Variants in NLGN1 observed in about 807,000 individuals in gnomAD.
NLGN1 encodes neuroligin-1.
A neutral mutation model predicts 65.5 loss-of-function variants in NLGN1; 12 were observed. That is an observed-to-expected ratio of 0.18 (90% CI 0.12 to 0.30). The LOEUF is 0.30. Ranked by LOEUF, NLGN1 falls within the 10% of genes least tolerant of loss-of-function variation. The pLI is 1.00. For synonymous variants in NLGN1, 350 were observed against 359.5 expected, an observed-to-expected ratio of 0.97 and a Z score of 0.30; for missense variants, 750 against 1,007.1, an observed-to-expected ratio of 0.74 and a Z score of 3.46.
chr3:173,909,447 A>C (rs981718495), intron 4 of NLGN1, among the ~76,000 whole-genome samples: 1 of 152,130 alleles, frequency 6.6e-6, no homozygotes, highest in Non-Finnish European at 1.5e-5. Context: ...TGTGTATCCT[A>C]TGCCAGGCAC....
chr3:173,497,908 A>G (rs540064777), intron 2 of NLGN1, among the ~76,000 whole-genome samples: 20 of 151,954 alleles, frequency 1.3e-4, no homozygotes, highest in African/African-American at 3.9e-4. Context: ...ATATGAATGT[A>G]TCTGATAATT....
intron 4 of NLGN1, among the ~76,000 whole-genome samples, chr3:174,166,984 CTGATA>C (rs1193408515): frequency 6.6e-6 from 1 of 152,002 alleles, no homozygotes; most frequent in African/African-American, 2.4e-5. Context: ...TCTGCTTTAT[CTGATA>C]TAAGAATTGC....
intron 2 of NLGN1, among the ~76,000 whole-genome samples, chr3:173,518,191 G>A (rs948774818): frequency 1.3e-5 from 2 of 151,986 alleles, no homozygotes; most frequent in African/African-American, 4.8e-5. Flanking sequence ...CAAACTGATT[G>A]GTTAAAAAGT....
intron 4 of NLGN1, among the ~76,000 whole-genome samples, chr3:174,078,924 A>G (rs958082415): frequency 6.6e-6 from 1 of 152,164 alleles, no homozygotes; most frequent in Non-Finnish European, 1.5e-5. Flanking sequence ...ATTCCTTAAT[A>G]CTAGCTGCAT....
At chr3:174,227,722 C>G (rs1012515377) in intron 4 of NLGN1, among the ~76,000 whole-genome samples, 2 of 151,908 alleles carry the variant, frequency 1.3e-5, no homozygotes, top group Non-Finnish European at 2.9e-5. Flanking sequence ...AATGTGTCAC[C>G]TAGATTTCCA....
intron 3 of NLGN1, among the ~76,000 whole-genome samples, chr3:173,788,430 T>C (rs991755195): frequency 1.9e-4 from 28 of 150,952 alleles, no homozygotes; most frequent in African/African-American, 6.9e-4. Flanking sequence ...TAATTTACTG[T>C]GTGATAGCAA....
chr3:173,929,271 T>C (rs1743601428), intron 4 of NLGN1, among the ~76,000 whole-genome samples: 1 of 152,180 alleles, frequency 6.6e-6, no homozygotes, highest in Non-Finnish European at 1.5e-5. Flanking sequence ...TTGTAACCAT[T>C]GCAGGATGAT....
rs1402354147 is a variant in NLGN1 at position 173,934,776 on chromosome 3, A to G, written c.646+126944A>G. On this transcript the variant is annotated intron_variant, in intron 4 of 6. Transcript: ENST00000457714. ...TTAGCCTTTAGGTAAGAATTAAATC[A>G]CAAGGCAAGTTGAGGCCATACCTTT... is the stretch of plus-strand genomic sequence containing the variant. 2.0e-5 allele frequency among the ~76,000 whole-genome samples: 3 copies of G among 152,046 alleles called. 1 individual carries two copies. Among genetic ancestry groups the G allele is most frequent in the Admixed American group, 2.0e-4 (3 of 15,228 alleles).
At chr3:173,467,967 TG>T (rs774937642) in intron 2 of NLGN1, among the ~76,000 whole-genome samples, 4 of 152,264 alleles carry the variant, frequency 2.6e-5, no homozygotes, top group African/African-American at 9.6e-5. Context: ...AAGATGCACC[TG>T]TGATTTATTA....
chr3:174,147,721 C>T (rs1031780273), intron 4 of NLGN1, among the ~76,000 whole-genome samples: 1 of 151,982 alleles, frequency 6.6e-6, no homozygotes, highest in Admixed American at 6.6e-5. Flanking sequence ...TGGCCGAAAA[C>T]GTGCTAGTTT....
At chr3:173,537,127 G>A (rs146305211) in intron 2 of NLGN1, among the ~76,000 whole-genome samples, 1 of 152,150 alleles carries the variant, frequency 6.6e-6, no homozygotes, top group African/African-American at 2.4e-5. Context: ...ATCTCGCCCA[G>A]AAACACTCTC....
intron 3 of NLGN1, among the ~76,000 whole-genome samples, chr3:173,659,651 T>C (rs1017790398): frequency 4.1e-4 from 63 of 151,934 alleles, no homozygotes; most frequent in Non-Finnish European, 1.3e-4. Context: ...AAAAAAACCA[T>C]TGTGATGCCT....
the NLGN1 span, among the ~76,000 whole-genome samples, chr3:174,293,606 G>T: frequency 6.6e-6 from 1 of 151,570 alleles, no homozygotes; most frequent in South Asian, 2.1e-4. Flanking sequence ...ATATTTTTGA[G>T]AAAGAATTAT....
intron 2 of NLGN1, among the ~76,000 whole-genome samples, chr3:173,452,987 G>T (rs1015460742): frequency 8.5e-5 from 13 of 152,122 alleles, no homozygotes; most frequent in African/African-American, 3.1e-4. Context: ...GGAAACTTCA[G>T]TGAGTCTTAA....
intron 2 of NLGN1, among the ~76,000 whole-genome samples, chr3:173,516,749 A>T (rs1560370537): frequency 6.6e-6 from 1 of 152,064 alleles, no homozygotes; most frequent in East Asian, 1.9e-4. Flanking sequence ...ATTCTCTATC[A>T]GACATATTGC....
At chr3:173,861,656 A>G (rs1729133893) in intron 4 of NLGN1, among the ~76,000 whole-genome samples, 1 of 151,602 alleles carries the variant, frequency 6.6e-6, no homozygotes, top group Non-Finnish European at 1.5e-5. Flanking sequence ...TAAAAATAAA[A>G]ATGATTACCA....
intron 4 of NLGN1, among the ~76,000 whole-genome samples, chr3:174,182,565 C>G (rs1730644393): frequency 6.6e-6 from 1 of 152,148 alleles, no homozygotes; most frequent in South Asian, 2.1e-4. Context: ...TGAGATTTTG[C>G]ATTTCTAACA....
intron 3 of NLGN1, among the ~76,000 whole-genome samples, chr3:173,762,912 A>G (rs892364635): frequency 6.6e-6 from 1 of 150,888 alleles, no homozygotes; most frequent in Non-Finnish European, 1.5e-5. Flanking sequence ...CATCAATTTC[A>G]ATAAGTGTTG....
At chr3:173,536,783 G>A (rs946808759) in intron 2 of NLGN1, among the ~76,000 whole-genome samples, 10 of 152,076 alleles carry the variant, frequency 6.6e-5, no homozygotes, top group African/African-American at 9.7e-5. Flanking sequence ...GTGTGTGTGC[G>A]TAGGGAGAGA....
Sources: allele counts gnomAD v4.1 joint callset (sites outside exome capture counted in the v4.1 genomes callset), GRCh38; gene constraint gnomAD v4.1.1; transcripts MANE v1.5; gene names NCBI Gene and HGNC (gene_info 2026-07-23, HGNC 2026-07-21).